Variants in CCDC158 observed in about 807,000 individuals in gnomAD.
The protein encoded by CCDC158 is coiled-coil domain-containing protein 158.
In CCDC158, 116 loss-of-function variants were observed where a neutral mutation model predicts 138.6. That is an observed-to-expected ratio of 0.84 (90% CI 0.72 to 0.98). The LOEUF (loss-of-function observed/expected upper bound fraction) is 0.98, where lower values mean the gene tolerates loss of function less well. Among genes scored for constraint, CCDC158 ranks in the 50% least tolerant of loss-of-function variants. CCDC158 has a pLI of 0.00. For missense variants in CCDC158, 1,265 were observed against 1,306.1 expected (o/e 0.97, Z 0.48); for synonymous variants, 436 against 442.4 (o/e 0.99, Z 0.18).
chr4:76,330,355 G>A (rs1720904633), intron 21 of CCDC158, among the ~76,000 whole-genome samples: 1 of 152,154 alleles, frequency 6.6e-6, no homozygotes, highest in South Asian at 2.1e-4. Context: ...TTAGACTAAT[G>A]AGACAAGTCT....
chr4:76,323,400 G>A lies in CCDC158; in HGVS notation c.3179C>T (p.Ser1060Phe). 6.2e-7 allele frequency: 1 copy of A among 1,609,860 alleles called. No homozygotes were observed. Among genetic ancestry groups the A allele is most frequent in the South Asian group, 1.1e-5 (1 of 89,998 alleles). The change falls in exon 24 of 25, where the codon TCT (serine) becomes TTT (phenylalanine). Residue 1060 changes from serine to phenylalanine, a missense_variant. Physicochemically the swap from Ser to Phe is radical, Grantham distance 155 (BLOSUM62 -2). Coordinates refer to ENST00000682701, the MANE Select transcript of CCDC158 (RefSeq NM_001394954.1). ...HSSDSVKDSQSPPIETTGKTC... is the reference protein window; with the variant it reads ...HSSDSVKDSQFPPIETTGKTC... Reference sequence around the variant, plus strand: ...TTTTCCTGTTGTTTCTATTGGCGGAGACTGTGAATCTATTAGAAAATTGCT... The same window carrying A: ...TTTTCCTGTTGTTTCTATTGGCGGAAACTGTGAATCTATTAGAAAATTGCT...
At chr4:76,357,093 T>G (rs1723644207) in intron 14 of CCDC158, among the ~76,000 whole-genome samples, 1 of 152,188 alleles carries the variant, frequency 6.6e-6, no homozygotes, top group African/African-American at 2.4e-5. Context: ...AAATAATTAC[T>G]TGACGTTAAT....
At chr4:76,393,281 A>G (rs1727471168) in intron 4 of CCDC158, among the ~76,000 whole-genome samples, 2 of 152,108 alleles carry the variant, frequency 1.3e-5, no homozygotes, top group African/African-American at 4.8e-5. Flanking sequence ...GCATAAAAAC[A>G]AACACATAGA....
intron 1 of CCDC158, among the ~76,000 whole-genome samples, chr4:76,414,100 G>A (rs1157273978): frequency 6.6e-6 from 1 of 152,028 alleles, no homozygotes; most frequent in Non-Finnish European, 1.5e-5. Context: ...GTAGAGACGG[G>A]GTTTTGCCAT....
At chr4:76,351,220 A>G in intron 17 of CCDC158, 99 bp from the exon 18 acceptor site, 1 of 1,110,808 alleles carries the variant, frequency 9.0e-7, no homozygotes, top group East Asian at 2.5e-5. Context: ...GGCAAAATCC[A>G]TTATTGAGAT....
At position 76,345,318 on chromosome 4, in the gene CCDC158, G is replaced by A. The variant is rs1036711992; in HGVS notation, c.2664+5678C>T. The A allele has an allele frequency of 2.3e-5, 25 of 1,097,950 alleles. No individual in the cohort carries two copies. In the African/African-American group the frequency reaches 2.6e-4, roughly 11 times the overall value. 68.0% of individuals were successfully genotyped at this position (1,097,950 alleles called of 1,614,324 possible). Reference sequence around the variant, plus strand: ...GGATCTCTTATACAGACACACCAAAGCCCTCATTGATTATGAGAACTCAAA... The same window carrying A: ...GGATCTCTTATACAGACACACCAAAACCCTCATTGATTATGAGAACTCAAA... On this transcript the variant is annotated intron_variant, in intron 18 of 24. Coordinates refer to ENST00000682701, the MANE Select transcript of CCDC158 (RefSeq NM_001394954.1).
At chr4:76,381,912 A>G (rs1260895832) in intron 8 of CCDC158, among the ~76,000 whole-genome samples, 1 of 146,664 alleles carries the variant, frequency 6.8e-6, no homozygotes, top group Admixed American at 6.7e-5. Flanking sequence ...CGATCTCCTG[A>G]CCTCGTGATC....
chr4:76,347,998 C>A (rs1040065044), intron 18 of CCDC158, among the ~76,000 whole-genome samples: 2 of 152,134 alleles, frequency 1.3e-5, no homozygotes, highest in Non-Finnish European at 2.9e-5. Flanking sequence ...GTTCACAGTT[C>A]AGGCTGGGAA....
chr4:76,408,178 GTATA>G (rs958501389), intron 2 of CCDC158, among the ~76,000 whole-genome samples: 1 of 148,322 alleles, frequency 6.7e-6, no homozygotes, highest in South Asian at 2.1e-4. Context: ...ATACATATAT[GTATA>G]TATATATATA....
intron 13 of CCDC158, among the ~76,000 whole-genome samples, chr4:76,359,093 C>G (rs545162580): frequency 1.3e-5 from 2 of 151,022 alleles, no homozygotes; most frequent in African/African-American, 4.9e-5. Flanking sequence ...TAGCACCTCC[C>G]TCTTCTCTCT....
At chr4:76,396,808 C>G (rs1727861846) in intron 3 of CCDC158, among the ~76,000 whole-genome samples, 1 of 152,134 alleles carries the variant, frequency 6.6e-6, no homozygotes, top group Non-Finnish European at 1.5e-5. Context: ...GCTGGGATTA[C>G]AGGCATGAGC....
intron 12 of CCDC158, among the ~76,000 whole-genome samples, chr4:76,362,723 G>C (rs1281448653): frequency 1.3e-5 from 2 of 152,192 alleles, no homozygotes; most frequent in African/African-American, 4.8e-5. Flanking sequence ...AAGTGAAGCA[G>C]CTAGGTGAGG....
intron 4 of CCDC158, among the ~76,000 whole-genome samples, chr4:76,389,727 A>G (rs1357905161): frequency 6.6e-6 from 1 of 152,192 alleles, no homozygotes; most frequent in Non-Finnish European, 1.5e-5. Flanking sequence ...AAAGAAACAA[A>G]TAACATACAA....
Position 76,329,096 on chromosome 4 carries a change from C to A in CCDC158, c.2943-129G>T, listed in dbSNP as rs544453571. The A allele has an allele frequency of 1.0e-5, 7 of 694,458 alleles. No individual in the cohort carries two copies. In the South Asian group the frequency reaches 1.0e-4, roughly 10 times the overall value. The allele number at this position is 694,458 out of a possible 1,614,324, so 43.0% of individuals were successfully genotyped here. On this transcript the variant is annotated intron_variant, in intron 21 of 24. Coordinates refer to ENST00000682701, the MANE Select transcript of CCDC158 (RefSeq NM_001394954.1). ...TATAACCTCAAGATGGCAATCATAACCCTAAAGTCCTAAAATACTCTAAGA... is the reference window on the plus strand; with the variant it reads ...TATAACCTCAAGATGGCAATCATAAACCTAAAGTCCTAAAATACTCTAAGA...
intron 4 of CCDC158, among the ~76,000 whole-genome samples, chr4:76,395,117 G>T (rs1471312543): frequency 6.6e-6 from 1 of 151,970 alleles, no homozygotes; most frequent in South Asian, 2.1e-4. Flanking sequence ...CTCTGTTAGG[G>T]GATAAACATA....
At chr4:76,409,014 C>T (rs1166541450) in intron 2 of CCDC158, among the ~76,000 whole-genome samples, 3 of 152,106 alleles carry the variant, frequency 2.0e-5, no homozygotes, top group African/African-American at 7.2e-5. Flanking sequence ...TATCCTTTGC[C>T]CACTTTTTGA....
intron 18 of CCDC158, chr4:76,344,934 T>C: frequency 6.6e-7 from 1 of 1,526,146 alleles, no homozygotes; most frequent in Non-Finnish European, 9.1e-7. Flanking sequence ...GGTGGCTTCT[T>C]CAAAAGTGTG....
Position 76,379,419 on chromosome 4 carries a change from G to C in CCDC158, c.915-15C>G. Reference sequence around the variant, plus strand: ...TTGCTTGCTCTCTAAGAAGAGTTTAGAAGGGGAATAAGTGCAAATAGCAAA... The same window carrying C: ...TTGCTTGCTCTCTAAGAAGAGTTTACAAGGGGAATAAGTGCAAATAGCAAA... On this transcript the variant is annotated splice_polypyrimidine_tract_variant and intron_variant, in intron 8 of 24. Coordinates refer to ENST00000682701, the MANE Select transcript of CCDC158 (RefSeq NM_001394954.1). 6.5e-7 allele frequency: 1 copy of C among 1,533,436 alleles called. No homozygotes were observed. The highest frequency in any genetic ancestry group is 8.9e-7 in the Non-Finnish European group (1 of 1,127,308). 95.0% of individuals were successfully genotyped at this position (1,533,436 alleles called of 1,614,324 possible).
Position 76,362,294 on chromosome 4 carries a change from C to T in CCDC158, c.1852G>A (p.Ala618Thr), listed in dbSNP as rs745396003. 6 of 1,612,140 alleles carry T rather than the reference C, an allele frequency of 3.7e-6. No individual in the cohort carries two copies. The Admixed American group carries it at 1.0e-4, about 27-fold the overall frequency. The stretch of plus-strand genomic sequence containing the variant: ...CTGGCCTCAAGCTCCCGGATCTTTG[C>T]ATCTTTTTTATCTTTTAATATCTAA... The part of the protein sequence containing the change: ...ELKILKDKKD[A>T]KIRELEARVS... Residue 618 changes from alanine (A) to threonine (T), a missense_variant, in exon 13 of 25, where the codon GCA becomes ACA. By Grantham distance (58) the Ala-to-Thr change is moderately conservative. Coordinates refer to ENST00000682701, the MANE Select transcript of CCDC158 (RefSeq NM_001394954.1).
Sources: allele counts gnomAD v4.1 joint callset (sites outside exome capture counted in the v4.1 genomes callset), GRCh38; gene constraint gnomAD v4.1.1; transcripts MANE v1.5; gene names NCBI Gene and HGNC (gene_info 2026-07-23, HGNC 2026-07-21).